TTC7A: variants seen among roughly 807,000 people sequenced by gnomAD.
TTC7A encodes tetratricopeptide repeat protein 7A.
Under a neutral mutation model 103.7 loss-of-function variants are expected in TTC7A, and 110 were observed. The ratio of observed to expected loss-of-function variants is 1.06; its 90% CI spans 0.91 to 1.24. The LOEUF (loss-of-function observed/expected upper bound fraction) is 1.24, where lower values mean the gene tolerates loss of function less well. TTC7A is among the 50% of genes most tolerant of loss of function. The pLI, the probability that TTC7A is intolerant of heterozygous loss-of-function variation, is 0.00. For missense variants in TTC7A, 1,340 were observed against 1,116.3 expected (o/e 1.20, Z -2.86); for synonymous variants, 521 against 467.9 (o/e 1.11, Z -1.47).
intron 13 of TTC7A, 152 bp downstream of exon 13, chr2:47,023,617 G>T (rs1311501367): frequency 1.1e-6 from 1 of 881,166 alleles, no homozygotes; most frequent in Non-Finnish European, 1.7e-6. Flanking sequence ...GCAGGGATAG[G>T]CGTTGGGGAT....
At position 46,941,409 on chromosome 2, in the gene TTC7A, C is replaced by T. The variant is rs982338184; in HGVS notation, c.-133C>T. Reference sequence around the variant, plus strand: ...GCCCACCCTCCGCCGCCCGGGCCCCCGCTGCCGCCCGGGCCCCGGCTGCCG... The same window carrying T: ...GCCCACCCTCCGCCGCCCGGGCCCCTGCTGCCGCCCGGGCCCCGGCTGCCG... On this transcript the variant is annotated 5_prime_UTR_variant, in exon 1 of 20. Coordinates refer to ENST00000319190, the MANE Select transcript of TTC7A (RefSeq NM_020458.4). This position sits in a 1 kb window ranked among gnomAD's most constrained non-coding sequence, Gnocchi z 4.2. The T allele has an allele frequency of 1.2e-6, 1 of 844,226 alleles. No homozygotes were observed. Among genetic ancestry groups the T allele is most frequent in the Non-Finnish European group, 1.5e-6 (1 of 659,128 alleles). 52.3% of individuals were successfully genotyped at this position (844,226 alleles called of 1,614,324 possible).
At chr2:47,002,113 G>A (rs771723290) in intron 8 of TTC7A, among the ~76,000 whole-genome samples, 18 of 152,192 alleles carry the variant, frequency 1.2e-4, no homozygotes, top group Admixed American at 5.9e-4. Flanking sequence ...CTGCCAGAAG[G>A]CTTGCAGTGA....
intron 6 of TTC7A, 97 bp from the exon 7 acceptor site, chr2:46,994,260 G>A (rs186378863): frequency 1.5e-5 from 22 of 1,426,338 alleles, no homozygotes; most frequent in Admixed American, 8.5e-5. Flanking sequence ...CATTGCAAGC[G>A]GGGCAGATTT....
intron 19 of TTC7A, among the ~76,000 whole-genome samples, chr2:47,063,783 G>A (rs939724886): frequency 1.3e-5 from 2 of 152,246 alleles, no homozygotes; most frequent in Non-Finnish European, 1.5e-5. Context: ...GGGCTGGAGC[G>A]AGCCCTCTGA....
intron 14 of TTC7A, among the ~76,000 whole-genome samples, chr2:47,026,245 G>A (rs571863278): frequency 1.3e-5 from 2 of 152,216 alleles, no homozygotes; most frequent in Admixed American, 6.5e-5. Flanking sequence ...AGTGATGGCT[G>A]TGGATTTGGA....
Position 47,059,009 on chromosome 2 carries a change from C to CTTTTT in TTC7A, c.2153-1734_2153-1730dup, listed in dbSNP as rs35753980. On this transcript the variant is annotated intron_variant, in intron 18 of 19. Coordinates refer to ENST00000319190, the MANE Select transcript of TTC7A (RefSeq NM_020458.4). ...GTGGGGTCCTCACCTCCTAAGCCTG[C>CTTTTT]TTTTTTTTTTTTTTTTTTTTTTTTT... is the stretch of plus-strand genomic sequence containing the variant. Among the ~76,000 whole-genome samples the CTTTTT allele has an allele frequency of 2.3e-3, 102 of 44,720 alleles. 20 individuals are homozygous for CTTTTT. Among genetic ancestry groups the CTTTTT allele is most frequent in the Middle Eastern group, 0.024 (1 of 42 alleles). 29.3% of individuals were successfully genotyped at this position (44,720 alleles called of 152,430 possible).
Position 47,003,785 on chromosome 2 carries a change from C to T in TTC7A, c.1066-2137C>T, listed in dbSNP as rs548102126. Among the ~76,000 whole-genome samples, 223 of 152,330 alleles carry T rather than the reference C, an allele frequency of 1.5e-3. 2 individuals carry two copies. Among genetic ancestry groups the T allele is most frequent in the African/African-American group, 5.1e-3 (214 of 41,582 alleles). On this transcript the variant is annotated intron_variant, in intron 8 of 19. Coordinates refer to ENST00000319190, the MANE Select transcript of TTC7A (RefSeq NM_020458.4). ...CTCCCCATGGGCAGGGCCTCTGTGC[C>T]CCCGTCCTCTCACACCCGAGCCACT...
chr2:46,967,983 C>T (rs770572428), intron 3 of TTC7A, among the ~76,000 whole-genome samples: 6 of 152,104 alleles, frequency 3.9e-5, no homozygotes, highest in Non-Finnish European at 5.9e-5. Context: ...TCCTCGTGCC[C>T]TTTGACAGGC....
chr2:46,991,246 G>A (rs192500660), intron 5 of TTC7A, among the ~76,000 whole-genome samples: 1 of 152,182 alleles, frequency 6.6e-6, no homozygotes, highest in African/African-American at 2.4e-5. Flanking sequence ...AGCAGGTCTG[G>A]GTGGGGGTCT....
chr2:47,064,177 C>A (rs144266045), intron 19 of TTC7A, among the ~76,000 whole-genome samples: 74 of 152,340 alleles, frequency 4.9e-4, no homozygotes, highest in African/African-American at 1.6e-3. Flanking sequence ...GAATTTGTCC[C>A]AAGTTTGTCC....
chr2:46,924,870 G>A (rs1041826640), intron 2 of TTC7A, among the ~76,000 whole-genome samples: 1 of 152,252 alleles, frequency 6.6e-6, no homozygotes, highest in Non-Finnish European at 1.5e-5. Flanking sequence ...CAAGCAATCT[G>A]CCTGCCTTGG....
intron 5 of TTC7A, among the ~76,000 whole-genome samples, chr2:46,990,060 C>T (rs1675467184): frequency 6.6e-6 from 1 of 152,200 alleles, no homozygotes; most frequent in East Asian, 1.9e-4. Flanking sequence ...CTGCCGGCCC[C>T]CTGTAGGCCA....
In TTC7A at chr2:47,046,303, C is replaced by T. The variant is rs768399184; in HGVS notation, c.1803-12C>T. On this transcript the variant is annotated splice_polypyrimidine_tract_variant and intron_variant, in intron 15 of 19. Transcript: ENST00000319190. ...GCTGGGGTGTGCTGATGGCCACTCT[C>T]CGTCCCCACAGCCTGATGTTCACCA... 6.2e-7 allele frequency: 1 copy of T among 1,610,912 alleles called. No individual in the cohort carries two copies. Among genetic ancestry groups the T allele is most frequent in the South Asian group, 1.1e-5 (1 of 90,988 alleles).
At chr2:46,987,838 G>GTT (rs1558542491) in intron 5 of TTC7A, among the ~76,000 whole-genome samples, 61 of 150,948 alleles carry the variant, frequency 4.0e-4, no homozygotes, top group African/African-American at 1.5e-3. Flanking sequence ...GTGTGTGTGT[G>GTT]TGTGTTTGTG....
intron 5 of TTC7A, among the ~76,000 whole-genome samples, chr2:46,984,181 C>T (rs1426403586): frequency 6.6e-6 from 1 of 152,236 alleles, no homozygotes; most frequent in Non-Finnish European, 1.5e-5. Flanking sequence ...GTGCACAGGG[C>T]CCGGCTGACT....
intron 2 of TTC7A, among the ~76,000 whole-genome samples, chr2:46,917,583 T>A (rs1668877714): frequency 6.6e-6 from 1 of 152,242 alleles, no homozygotes; most frequent in Non-Finnish European, 1.5e-5. Flanking sequence ...TAAAGTGTCC[T>A]CATTCTAGCC....
At chr2:47,027,851 A>G (rs116750959) in intron 14 of TTC7A, among the ~76,000 whole-genome samples, 3,198 of 149,824 alleles carry the variant, frequency 0.021, 95 homozygotes, top group African/African-American at 0.075. Flanking sequence ...AGGGGCTGCT[A>G]TAGTCACCAG....
intron 15 of TTC7A, among the ~76,000 whole-genome samples, chr2:47,040,098 G>A (rs925452130): frequency 1.3e-5 from 2 of 152,338 alleles, no homozygotes; most frequent in Middle Eastern, 3.4e-3. Flanking sequence ...CCGAGCCTGG[G>A]TGAGGGGTGG....
chr2:47,039,553 AT>A lies in TTC7A; in HGVS notation c.1803-6753del, dbSNP rs1178096319. On this transcript the variant is annotated intron_variant, in intron 15 of 19. Coordinates refer to ENST00000319190, the MANE Select transcript of TTC7A (RefSeq NM_020458.4). ...AATATCCCCTATCTACAAGATAACT[AT>A]TTTTTTTTAAGTTTTTGGAAAAGCC... 4.6e-5 allele frequency among the ~76,000 whole-genome samples: 7 copies of A among 151,710 alleles called. No homozygotes were observed. The East Asian group carries it at 5.8e-4, about 13-fold the overall frequency.
Sources: gnomAD v4.1 joint callset for allele counts (sites outside exome capture counted in the v4.1 genomes callset) on GRCh38, gnomAD v4.1.1 for gene constraint, Gnocchi (gnomAD v3.1) non-coding constraint, MANE v1.5 for transcripts, NCBI Gene and HGNC (gene_info 2026-07-23, HGNC 2026-07-21) for gene names.